Variants in PRMT5 observed in about 807,000 individuals in gnomAD.
PRMT5 encodes the protein protein arginine N-methyltransferase 5.
PRMT5 carries 15 observed loss-of-function variants against 84.0 expected under a neutral mutation model. The ratio of observed to expected loss-of-function variants is 0.18; its 90% CI spans 0.12 to 0.28. The LOEUF (loss-of-function observed/expected upper bound fraction) is 0.28. Ranked by LOEUF, PRMT5 falls within the 10% of genes least tolerant of loss-of-function variation. PRMT5 has a pLI of 1.00. For missense variants in PRMT5, 486 were observed against 808.0 expected, an observed-to-expected ratio of 0.60 and a Z score of 4.83; for synonymous variants, 276 against 292.4, an observed-to-expected ratio of 0.94 and a Z score of 0.57.
intron 16 of PRMT5, 42 bp from the exon 17 acceptor site, chr14:22,921,098 A>G (rs1261103470): frequency 1.2e-6 from 2 of 1,609,102 alleles, no homozygotes; most frequent in African/African-American, 2.7e-5. Flanking sequence ...GAAGCTATGA[A>G]TTATACATGG....
chr14:22,927,521 T>A lies in PRMT5; in HGVS notation c.450+5A>T. The A allele has an allele frequency of 6.2e-7, 1 of 1,613,920 alleles. No homozygotes were observed. Among genetic ancestry groups the A allele is most frequent in the Non-Finnish European group, 8.5e-7 (1 of 1,179,962 alleles). On this transcript the variant is annotated splice_donor_5th_base_variant and intron_variant, in intron 4 of 16. Coordinates refer to ENST00000324366, the MANE Select transcript of PRMT5 (RefSeq NM_006109.5). Reference sequence around the variant, plus strand: ...TGCAGCAGGAAAGGAGCCCCTCAGCTATACCATGGAAGAGTGATGGCCAGT... The same window carrying A: ...TGCAGCAGGAAAGGAGCCCCTCAGCAATACCATGGAAGAGTGATGGCCAGT...
chr14:22,927,039 ACT>A (rs2044435361), intron 4 of PRMT5: 1 of 534,864 alleles, frequency 1.9e-6, no homozygotes. Context: ...ATGTTTTGAA[ACT>A]CTCTTCATAC....
intron 7 of PRMT5, 23 bp from the exon 8 acceptor site, chr14:22,925,063 A>G (rs372709076): frequency 1.2e-6 from 2 of 1,611,652 alleles, no homozygotes; most frequent in Non-Finnish European, 1.7e-6. Flanking sequence ...TCAGACCATC[A>G]GACACAGCCC....
At chr14:22,922,925 T>C in intron 13 of PRMT5, 90 bp from the exon 14 acceptor site, 12 of 1,425,410 alleles carry the variant, frequency 8.4e-6, no homozygotes, top group Non-Finnish European at 1.2e-5. Flanking sequence ...TTTACTTTAG[T>C]GCTTCCCCAA....
chr14:22,922,706 C>G (rs981938464), intron 14 of PRMT5, 36 bp downstream of exon 14: 2 of 1,587,766 alleles, frequency 1.3e-6, no homozygotes, highest in Admixed American at 1.7e-5. Flanking sequence ...GAAGCCCGTA[C>G]CCCTCTAGTC....
At chr14:22,922,679 A>C in intron 14 of PRMT5, 63 bp downstream of exon 14, 1 of 1,549,138 alleles carries the variant, frequency 6.5e-7, no homozygotes. Context: ...GTAAGGGAAG[A>C]AAGCAGGAGG....
chr14:22,920,715 G>T lies in PRMT5; in HGVS notation c.*189C>A. The T allele has an allele frequency of 1.2e-6, 1 of 851,558 alleles. No homozygotes were observed. Among genetic ancestry groups the T allele is most frequent in the South Asian group, 1.4e-5 (1 of 69,870 alleles). The allele number at this position is 851,558 out of a possible 1,614,324, so 52.8% of individuals were successfully genotyped here. A position where few individuals can be genotyped will look rare whatever the true frequency, so the allele number is the denominator to read the frequency against. On this transcript the variant is annotated 3_prime_UTR_variant, in exon 17 of 17. Coordinates refer to ENST00000324366, the MANE Select transcript of PRMT5 (RefSeq NM_006109.5). ...CACCCCCTGGCCTGAGGTCTTCATA[G>T]ATTGGTGGCTTGAGCCCTGCAATTA... is the stretch of plus-strand genomic sequence containing the variant.
At chr14:22,925,450 C>A (rs1003706218) in intron 7 of PRMT5, among the ~76,000 whole-genome samples, 3 of 152,086 alleles carry the variant, frequency 2.0e-5, no homozygotes, top group Admixed American at 2.0e-4. Flanking sequence ...AGCCACTGCA[C>A]CTGGCCCAGA....
At chr14:22,927,112 G>A (rs1351132339) in intron 4 of PRMT5, among the ~76,000 whole-genome samples, 1 of 147,086 alleles carries the variant, frequency 6.8e-6, no homozygotes, top group Non-Finnish European at 1.5e-5. Flanking sequence ...TTGAGACAAG[G>A]TCTGGCTCTG....
chr14:22,927,074 C>T lies in PRMT5; in HGVS notation c.451-260G>A, dbSNP rs2044436421. Among the ~76,000 whole-genome samples the T allele has an allele frequency of 2.0e-5, 3 of 150,238 alleles. 1 individual carries two copies. In the South Asian group the frequency reaches 6.3e-4, roughly 32 times the overall value. On this transcript the variant is annotated intron_variant, in intron 4 of 16. Transcript: ENST00000324366. The stretch of plus-strand genomic sequence containing the variant: ...TACCACTTTTAGATGGAGAGGTGCG[C>T]AATACTGACCTTTTTTTTTTTTTTT...
intron 5 of PRMT5, 37 bp downstream of exon 5, chr14:22,926,665 C>G (rs369564614): frequency 1.3e-5 from 21 of 1,603,668 alleles, no homozygotes; most frequent in Non-Finnish European, 1.8e-5. Flanking sequence ...CTCACCCTAT[C>G]CCTTGCACCC....
intron 16 of PRMT5, among the ~76,000 whole-genome samples, chr14:22,921,449 C>T (rs1566629653): frequency 6.6e-6 from 1 of 152,198 alleles, no homozygotes; most frequent in Admixed American, 6.5e-5. Context: ...GTCCATAAGG[C>T]TGAAGCAGTG....
Position 22,928,088 on chromosome 14 carries a change from G to C in PRMT5, c.315+38C>G, listed in dbSNP as rs779627121. 6.4e-7 allele frequency: 1 copy of C among 1,573,620 alleles called. No individual in the cohort carries two copies. Among genetic ancestry groups the C allele is most frequent in the Non-Finnish European group, 8.7e-7 (1 of 1,147,694 alleles). Reference sequence around the variant, plus strand: ...GGGGACCACTCTCCCCACCCAGCTTGGTTAGAAAAATCCAGCAGAGAAGTC... The same window carrying C: ...GGGGACCACTCTCCCCACCCAGCTTCGTTAGAAAAATCCAGCAGAGAAGTC... On this transcript the variant is annotated intron_variant, in intron 3 of 16. Coordinates refer to ENST00000324366, the MANE Select transcript of PRMT5 (RefSeq NM_006109.5). This position sits in a 1 kb window ranked among gnomAD's most constrained non-coding sequence, Gnocchi z 4.8.
chr14:22,927,788 G>T (rs2044458966), intron 3 of PRMT5, 128 bp from the exon 4 acceptor site: 1 of 1,162,550 alleles, frequency 8.6e-7, no homozygotes, highest in Non-Finnish European at 1.2e-6. Flanking sequence ...ACTCACTGCA[G>T]CCTTGACCTT....
In PRMT5 at chr14:22,928,585, A is replaced by G; in HGVS notation, c.141T>C (p.His47=). The G allele has an allele frequency of 6.2e-7, 1 of 1,614,070 alleles. No homozygotes were observed. The highest frequency in any genetic ancestry group is 8.5e-7 in the Non-Finnish European group (1 of 1,179,932). ...GAATGAACTCCCTCTTGAAACGCGG[A>G]TGGAAGACAGGCATGCAGAGGAAAT... is the stretch of plus-strand genomic sequence containing the variant. ...GFDFLCMPVF[H]PRFKREFIQE... Residue 47 remains histidine, a synonymous_variant, in exon 2 of 17, where the codon CAT becomes CAC. Coordinates refer to ENST00000324366, the MANE Select transcript of PRMT5 (RefSeq NM_006109.5). The surrounding 1 kb of genome is among the most constrained non-coding windows in gnomAD (Gnocchi z 4.8).
chr14:22,924,658 G>A lies in PRMT5; in HGVS notation c.991C>T (p.Pro331Ser). ...TGCTGGTACTGAGAGTATTTGATGG[G>A]GTCCTTTTCAAACACTTCATATGTC... Reference protein sequence around the residue: ...SQTYEVFEKDPIKYSQYQQAI... With the variant: ...SQTYEVFEKDSIKYSQYQQAI... The change falls in exon 9 of 17, where the codon CCC (proline) becomes TCC (serine). Residue 331 changes from proline (P) to serine (S), a missense_variant. Physicochemically the swap from Pro to Ser is moderately conservative, Grantham distance 74. This residue lies in a region of PRMT5 where 219 missense variants were observed against 433.6 expected (regional missense o/e 0.51). Transcript: ENST00000324366. The surrounding 1 kb of genome is among the most constrained non-coding windows in gnomAD (Gnocchi z 6.5). The A allele has an allele frequency of 2.5e-6, 4 of 1,613,956 alleles. No individual in the cohort carries two copies. The highest frequency in any genetic ancestry group is 3.4e-6 in the Non-Finnish European group (4 of 1,179,972).
intron 3 of PRMT5, among the ~76,000 whole-genome samples, 192 bp downstream of exon 3, chr14:22,927,934 C>T (rs1214949283): frequency 6.6e-6 from 1 of 151,978 alleles, no homozygotes; most frequent in African/African-American, 2.4e-5. Flanking sequence ...GTCTCGAAAT[C>T]CCGAGCTCCA....
At chr14:22,925,136 C>T (rs1274476031) in intron 7 of PRMT5, 96 bp from the exon 8 acceptor site, 32 of 1,295,466 alleles carry the variant, frequency 2.5e-5, no homozygotes, top group Non-Finnish European at 3.4e-5. Context: ...AAATAAGGCC[C>T]AGATCAACAG....
chr14:22,927,405 G>T (rs191373643), intron 4 of PRMT5, 121 bp downstream of exon 4: 3 of 1,395,632 alleles, frequency 2.1e-6, no homozygotes, highest in East Asian at 2.3e-5. Context: ...CACTGTGCCC[G>T]CCAATACTGA....
Sources: allele counts gnomAD v4.1 joint callset (sites outside exome capture counted in the v4.1 genomes callset), GRCh38; gene constraint gnomAD v4.1.1; regional missense constraint gnomAD v4.1.1; non-coding constraint Gnocchi (gnomAD v3.1); transcripts MANE v1.5; gene names NCBI Gene and HGNC (gene_info 2026-07-23, HGNC 2026-07-21).